TBX20: variants seen among roughly 807,000 people sequenced by gnomAD.
TBX20 encodes T-box transcription factor 20.
TBX20 carries 8 observed loss-of-function variants against 42.9 expected under a neutral mutation model. The observed-to-expected ratio is 0.19, with a 90% confidence interval of 0.11 to 0.34. The LOEUF (loss-of-function observed/expected upper bound fraction) is 0.34. Ranked by LOEUF, TBX20 falls within the 10% of genes least tolerant of loss-of-function variation. The pLI is 1.00. For synonymous variants in TBX20, 198 were observed against 222.8 expected, an observed-to-expected ratio of 0.89 and a Z score of 0.99; for missense variants, 411 against 566.0, an observed-to-expected ratio of 0.73 and a Z score of 2.78.
chr7:35,242,824 GA>G (rs1044563307), intron 4 of TBX20, among the ~76,000 whole-genome samples: 4 of 152,168 alleles, frequency 2.6e-5, no homozygotes, highest in African/African-American at 7.2e-5. Context: ...TTGAGAATAT[GA>G]AAGTTTCCTT....
At chr7:35,213,770 T>G (rs1318391622) in intron 6 of TBX20, among the ~76,000 whole-genome samples, 3 of 151,012 alleles carry the variant, frequency 2.0e-5, no homozygotes, top group Non-Finnish European at 1.5e-5. Flanking sequence ...TTTCTTAACC[T>G]CTCTTCATTT....
chr7:35,216,618 G>C (rs953030055), intron 6 of TBX20, among the ~76,000 whole-genome samples: 1 of 152,186 alleles, frequency 6.6e-6, no homozygotes, highest in African/African-American at 2.4e-5. Context: ...TGTTCCAGAA[G>C]GTGCTTACAT....
intron 6 of TBX20, among the ~76,000 whole-genome samples, chr7:35,221,480 G>C (rs1214359285): frequency 3.3e-5 from 5 of 152,050 alleles, no homozygotes; most frequent in Non-Finnish European, 5.9e-5. Flanking sequence ...GAAACATTTT[G>C]TCCAGACAGA....
intron 6 of TBX20, among the ~76,000 whole-genome samples, chr7:35,218,088 A>G (rs1321945903): frequency 6.6e-6 from 1 of 152,044 alleles, no homozygotes; most frequent in Non-Finnish European, 1.5e-5. Flanking sequence ...CTTTTATACT[A>G]AGTCTATCTT....
At chr7:35,234,866 A>T (rs1322098178) in intron 5 of TBX20, among the ~76,000 whole-genome samples, 1 of 152,162 alleles carries the variant, frequency 6.6e-6, no homozygotes, top group Non-Finnish European at 1.5e-5. Context: ...ATTCCTGAAC[A>T]GCTTTTATGG....
chr7:35,246,551 AAGG>A (rs1310665919), intron 3 of TBX20, among the ~76,000 whole-genome samples: 1 of 152,220 alleles, frequency 6.6e-6, no homozygotes, highest in African/African-American at 2.4e-5. Context: ...CTTTAAAGAA[AAGG>A]AGATGTCCTA....
rs571510626 is a variant in TBX20 at position 35,246,385 on chromosome 7, T to C, written c.546-1328A>G. Among the ~76,000 whole-genome samples the C allele has an allele frequency of 5.9e-5, 9 of 152,220 alleles. No individual in the cohort carries two copies. In the South Asian group the frequency reaches 1.9e-3, roughly 32 times the overall value. On this transcript the variant is annotated intron_variant, in intron 3 of 7. Coordinates refer to ENST00000408931, the MANE Select transcript of TBX20 (RefSeq NM_001077653.2). ...CCTTCCAAGACTGTAGCTTTATAGG[T>C]GCAATTGTTTTACTGATCAGAACCA...
At chr7:35,240,235 A>G (rs1790049050) in intron 5 of TBX20, among the ~76,000 whole-genome samples, 1 of 152,194 alleles carries the variant, frequency 6.6e-6, no homozygotes, top group Non-Finnish European at 1.5e-5. Flanking sequence ...GAAATGCTCC[A>G]GTGAGCATTT....
intron 6 of TBX20, among the ~76,000 whole-genome samples, chr7:35,209,859 T>G (rs980428450): frequency 6.6e-6 from 1 of 152,186 alleles, no homozygotes; most frequent in African/African-American, 2.4e-5. Context: ...TTTTCATTTT[T>G]ATTCAGTTCA....
chr7:35,252,215 T>C (rs1194812756), intron 1 of TBX20, among the ~76,000 whole-genome samples: 4 of 152,192 alleles, frequency 2.6e-5, no homozygotes, highest in African/African-American at 7.2e-5. Context: ...AACAGCAATG[T>C]ATAATGTTGA....
intron 4 of TBX20, among the ~76,000 whole-genome samples, chr7:35,242,092 T>C (rs1790094269): frequency 6.6e-6 from 1 of 152,108 alleles, no homozygotes; most frequent in African/African-American, 2.4e-5. Context: ...TCTCTGCTGG[T>C]TGCTGCTGCT....
chr7:35,246,241 A>G (rs1053743494), intron 3 of TBX20, among the ~76,000 whole-genome samples: 5 of 152,206 alleles, frequency 3.3e-5, no homozygotes, highest in African/African-American at 1.2e-4. Flanking sequence ...CCAGACCTAC[A>G]GAGGAACTGT....
At chr7:35,216,992 T>C (rs1246862755) in intron 6 of TBX20, among the ~76,000 whole-genome samples, 2 of 152,270 alleles carry the variant, frequency 1.3e-5, no homozygotes, top group African/African-American at 4.8e-5. Flanking sequence ...TGTATCAATA[T>C]TCGTAACTTC....
At chr7:35,213,166 A>G (rs1562557984) in intron 6 of TBX20, among the ~76,000 whole-genome samples, 1 of 152,190 alleles carries the variant, frequency 6.6e-6, no homozygotes, top group Non-Finnish European at 1.5e-5. Flanking sequence ...CAGTGTCATA[A>G]AAAACATTGT....
chr7:35,253,813 C>A lies in TBX20; in HGVS notation c.-193G>T. On this transcript the variant is annotated 5_prime_UTR_variant, in exon 1 of 8. Transcript: ENST00000408931. ...GCCTCTATTCCCCACCGCAAAGCCCCAGAGCCGCAGAGACTTCGAAGGCAG... is the reference window on the plus strand; with the variant it reads ...GCCTCTATTCCCCACCGCAAAGCCCAAGAGCCGCAGAGACTTCGAAGGCAG... The A allele has an allele frequency of 1.5e-6, 1 of 661,260 alleles. No homozygotes were observed. Among genetic ancestry groups the A allele is most frequent in the Non-Finnish European group, 2.5e-6 (1 of 401,130 alleles). 41.0% of individuals were successfully genotyped at this position (661,260 alleles called of 1,614,324 possible). A position where few individuals can be genotyped will look rare whatever the true frequency, so the allele number is the denominator to read the frequency against.
intron 4 of TBX20, among the ~76,000 whole-genome samples, chr7:35,243,396 G>A (rs999967809): frequency 2.0e-5 from 3 of 152,082 alleles, no homozygotes; most frequent in African/African-American, 4.8e-5. Flanking sequence ...TCTGAAATCT[G>A]GTTTAGAGCT....
intron 6 of TBX20, among the ~76,000 whole-genome samples, chr7:35,210,188 C>T (rs1384742285): frequency 6.7e-6 from 1 of 150,186 alleles, no homozygotes. Context: ...AATCTCAGCT[C>T]ACTGCAAGCT....
chr7:35,222,769 T>A (rs1371727167), intron 6 of TBX20, among the ~76,000 whole-genome samples: 7 of 151,654 alleles, frequency 4.6e-5, no homozygotes, highest in African/African-American at 7.3e-5. Flanking sequence ...CAGAGGAGAG[T>A]TCAGAGAGGC....
chr7:35,217,311 C>T (rs1789607591), intron 6 of TBX20, among the ~76,000 whole-genome samples: 1 of 152,034 alleles, frequency 6.6e-6, no homozygotes, highest in South Asian at 2.1e-4. Flanking sequence ...ATGGCTGTGA[C>T]AACCATATAA....
Sources: gnomAD v4.1 joint callset for allele counts (sites outside exome capture counted in the v4.1 genomes callset) on GRCh38, gnomAD v4.1.1 for gene constraint, MANE v1.5 for transcripts, NCBI Gene and HGNC (gene_info 2026-07-23, HGNC 2026-07-21) for gene names.